Variants in SH3RF1 observed in about 807,000 individuals in gnomAD.
SH3RF1 encodes SH3 domain containing ring finger 1, also known as E3 ubiquitin-protein ligase SH3RF1.
In SH3RF1, 32 loss-of-function variants were observed where a neutral mutation model predicts 74.0. That is an observed-to-expected ratio of 0.43 (90% CI 0.33 to 0.58). SH3RF1 has a LOEUF of 0.58. SH3RF1 is among the 20% of genes least tolerant of loss of function. The pLI, the probability that SH3RF1 is intolerant of heterozygous loss-of-function variation, is 0.05. For missense variants in SH3RF1, 954 were observed against 1,130.9 expected, an observed-to-expected ratio of 0.84 and a Z score of 2.24; for synonymous variants, 396 against 439.6, an observed-to-expected ratio of 0.90 and a Z score of 1.24.
Position 169,156,426 on chromosome 4 carries a change from T to C in SH3RF1, c.647A>G (p.Lys216Arg). The change falls in exon 3 of 12, where the codon AAA becomes AGA. Residue 216 changes from lysine to arginine, a missense_variant. Physicochemically the swap from Lys to Arg is conservative, Grantham distance 26. This residue lies in a region of SH3RF1 where 854 missense variants were observed against 962.5 expected (regional missense o/e 0.89). Transcript: ENST00000284637. ...TACCTTTGCAAATGGAAGGCAATCTTTGTCTGCTTCCTTGTCTTTCACTTC... is the reference window on the plus strand; with the variant it reads ...TACCTTTGCAAATGGAAGGCAATCTCTGTCTGCTTCCTTGTCTTTCACTTC... ...DFEVKDKEAD[K>R]DCLPFAKDDV... is the part of the protein sequence containing the mutation. 6.3e-7 allele frequency: 1 copy of C among 1,595,346 alleles called. No homozygotes were observed. The highest frequency in any genetic ancestry group is 8.6e-7 in the Non-Finnish European group (1 of 1,167,364).
At chr4:169,260,221 C>T (rs1412230999) in intron 2 of SH3RF1, among the ~76,000 whole-genome samples, 1 of 152,132 alleles carries the variant, frequency 6.6e-6, no homozygotes, top group Non-Finnish European at 1.5e-5. Flanking sequence ...CTTTTTTGAG[C>T]CTCTGATTTT....
intron 5 of SH3RF1, among the ~76,000 whole-genome samples, chr4:169,133,888 G>A (rs988007225): frequency 3.3e-5 from 5 of 152,226 alleles, no homozygotes; most frequent in African/African-American, 1.2e-4. Context: ...ATGGGTCTCA[G>A]TTAAATCTAC....
intron 4 of SH3RF1, among the ~76,000 whole-genome samples, chr4:169,150,857 T>C (rs532804873): frequency 6.6e-6 from 1 of 152,254 alleles, no homozygotes; most frequent in South Asian, 2.1e-4. Context: ...CCATAGAGTA[T>C]TGCTACCATT....
intron 10 of SH3RF1, among the ~76,000 whole-genome samples, chr4:169,113,804 G>A (rs910944563): frequency 6.6e-6 from 1 of 152,174 alleles, no homozygotes; most frequent in Non-Finnish European, 1.5e-5. Context: ...TTTAATAAGG[G>A]AAAATTTGAA....
At chr4:169,150,680 C>T (rs1396979247) in intron 4 of SH3RF1, among the ~76,000 whole-genome samples, 1 of 152,090 alleles carries the variant, frequency 6.6e-6, no homozygotes, top group African/African-American at 2.4e-5. Context: ...TCTTAGGGCC[C>T]CATGTCCGAG....
intron 7 of SH3RF1, 29 bp downstream of exon 7, chr4:169,122,071 A>G (rs373998438): frequency 3.1e-6 from 5 of 1,607,076 alleles, no homozygotes; most frequent in Non-Finnish European, 4.3e-6. Context: ...ATGAACACAT[A>G]AGCAGTAACA....
chr4:169,125,357 G>C (rs192523056), intron 6 of SH3RF1, among the ~76,000 whole-genome samples: 2 of 152,358 alleles, frequency 1.3e-5, no homozygotes, highest in East Asian at 3.9e-4. Flanking sequence ...GACACTGTGA[G>C]TGAAAAGTTC....
At chr4:169,239,187 G>C (rs772779731) in intron 2 of SH3RF1, among the ~76,000 whole-genome samples, 3 of 152,122 alleles carry the variant, frequency 2.0e-5, no homozygotes, top group Non-Finnish European at 2.9e-5. Context: ...ACAATATGTG[G>C]ATAGCCATTT....
At chr4:169,261,087 C>T (rs570300037) in intron 2 of SH3RF1, among the ~76,000 whole-genome samples, 15 of 152,314 alleles carry the variant, frequency 9.8e-5, no homozygotes, top group South Asian at 6.2e-4. Flanking sequence ...TCAGCCCCCT[C>T]ACCAGCCCCA....
At chr4:169,236,383 C>A (rs189149001) in intron 2 of SH3RF1, among the ~76,000 whole-genome samples, 3 of 152,118 alleles carry the variant, frequency 2.0e-5, no homozygotes, top group Non-Finnish European at 2.9e-5. Flanking sequence ...CTATAATGAG[C>A]GGTGTCCCTC....
At chr4:169,214,829 A>G (rs1328911259) in intron 2 of SH3RF1, among the ~76,000 whole-genome samples, 1 of 152,192 alleles carries the variant, frequency 6.6e-6, no homozygotes, top group Non-Finnish European at 1.5e-5. Flanking sequence ...CTAATTGACT[A>G]ATAAGGACTA....
intron 2 of SH3RF1, among the ~76,000 whole-genome samples, chr4:169,175,556 C>T (rs1204269573): frequency 6.6e-6 from 1 of 152,128 alleles, no homozygotes; most frequent in Non-Finnish European, 1.5e-5. Flanking sequence ...CAGGTCTCTG[C>T]TCTAATGTCA....
intron 2 of SH3RF1, among the ~76,000 whole-genome samples, chr4:169,204,568 T>TTG (rs1730206140): frequency 6.6e-6 from 1 of 150,468 alleles, no homozygotes; most frequent in Non-Finnish European, 1.5e-5. Flanking sequence ...TTTTTTTTTT[T>TTG]TGAGACGGAG....
chr4:169,199,393 G>A (rs1030070052), intron 2 of SH3RF1, among the ~76,000 whole-genome samples: 4 of 152,108 alleles, frequency 2.6e-5, no homozygotes, highest in East Asian at 1.9e-4. Context: ...TCAAAGACTC[G>A]GGTTCTTACC....
At chr4:169,214,211 T>C (rs938431652) in intron 2 of SH3RF1, among the ~76,000 whole-genome samples, 1 of 152,122 alleles carries the variant, frequency 6.6e-6, no homozygotes, top group African/African-American at 2.4e-5. Context: ...GATCTGGCTG[T>C]TTAAAAGTGT....
chr4:169,214,445 T>C (rs1218597745), intron 2 of SH3RF1, among the ~76,000 whole-genome samples: 1 of 152,172 alleles, frequency 6.6e-6, no homozygotes. Flanking sequence ...GATGCAAAAA[T>C]GGACTAAAAC....
intron 2 of SH3RF1, among the ~76,000 whole-genome samples, chr4:169,265,443 G>A (rs1731336818): frequency 6.6e-6 from 1 of 152,136 alleles, no homozygotes; most frequent in South Asian, 2.1e-4. Flanking sequence ...GATATTAAGA[G>A]AACTTAATGT....
chr4:169,145,677 T>C (rs1420495641), intron 4 of SH3RF1, among the ~76,000 whole-genome samples: 2 of 140,108 alleles, frequency 1.4e-5, no homozygotes, highest in African/African-American at 5.1e-5. Flanking sequence ...CTCGAACTCC[T>C]GACCTCGTGA....
At chr4:169,165,828 C>T (rs971343711) in intron 2 of SH3RF1, among the ~76,000 whole-genome samples, 40 of 152,096 alleles carry the variant, frequency 2.6e-4, no homozygotes, top group African/African-American at 9.4e-4. Flanking sequence ...AACAACTAGA[C>T]AAAAGCGTCA....
Sources: gnomAD v4.1 joint callset for allele counts (sites outside exome capture counted in the v4.1 genomes callset) on GRCh38, gnomAD v4.1.1 for gene constraint, gnomAD v4.1.1 regional missense constraint, MANE v1.5 for transcripts, NCBI Gene and HGNC (gene_info 2026-07-23, HGNC 2026-07-21) for gene names.